The following ITPR1 variants were observed in gnomAD, a reference collection of about 807,000 sequenced individuals.
ITPR1 encodes inositol 1,4,5-trisphosphate-gated calcium channel ITPR1.
Under a neutral mutation model 318.4 loss-of-function variants are expected in ITPR1, and 96 were observed. That is an observed-to-expected ratio of 0.30 (90% CI 0.26 to 0.36). ITPR1 has a LOEUF of 0.36. ITPR1 is among the 10% of genes least tolerant of loss of function. The pLI is 1.00. For synonymous variants in ITPR1, 1,312 were observed against 1,289.9 expected (o/e 1.02, Z -0.37); for missense variants, 2,440 against 3,460.2 (o/e 0.71, Z 7.40).
intron 31 of ITPR1, among the ~76,000 whole-genome samples, chr3:4,690,122 C>A (rs1050030805): frequency 5.9e-5 from 9 of 152,124 alleles, no homozygotes; most frequent in Admixed American, 4.6e-4. Context: ...ATTAAAAATA[C>A]AAATATTAGT....
intron 4 of ITPR1, among the ~76,000 whole-genome samples, chr3:4,618,978 T>C (rs1451408715): frequency 6.6e-6 from 1 of 152,198 alleles, no homozygotes; most frequent in Non-Finnish European, 1.5e-5. Context: ...TCCAGCAGCT[T>C]CCTGATTTTA....
chr3:4,517,309 T>G (rs371226372), intron 3 of ITPR1, among the ~76,000 whole-genome samples: 12 of 152,180 alleles, frequency 7.9e-5, no homozygotes, highest in African/African-American at 2.7e-4. Flanking sequence ...TAGTTACGAA[T>G]GGTCTATATT....
Position 4,599,756 on chromosome 3 carries a change from G to A in ITPR1, c.164-28007G>A, listed in dbSNP as rs1448535249. Reference sequence around the variant, plus strand: ...TGCAGCTGAGTTCTGCAGTGTGTTGGACTTGACTTCCCTGATACCAGCAGG... The same window carrying A: ...TGCAGCTGAGTTCTGCAGTGTGTTGAACTTGACTTCCCTGATACCAGCAGG... On this transcript the variant is annotated intron_variant, in intron 4 of 61. Coordinates refer to ENST00000649015, the MANE Select transcript of ITPR1 (RefSeq NM_001378452.1). 2.0e-5 allele frequency among the ~76,000 whole-genome samples: 3 copies of A among 152,194 alleles called. No individual in the cohort carries two copies. The East Asian group carries it at 5.8e-4, about 29-fold the overall frequency.
intron 5 of ITPR1, among the ~76,000 whole-genome samples, chr3:4,631,783 T>C (rs758876284): frequency 8.5e-5 from 13 of 152,172 alleles, no homozygotes; most frequent in Non-Finnish European, 1.5e-4. Context: ...TCTGTTGATA[T>C]GTAAAATGGA....
intron 61 of ITPR1, among the ~76,000 whole-genome samples, 162 bp from the exon 62 acceptor site, chr3:4,845,977 C>G (rs1359445970): frequency 1.3e-5 from 2 of 152,160 alleles, no homozygotes; most frequent in Non-Finnish European, 2.9e-5. Flanking sequence ...TAAGAAGATG[C>G]CTTTTTTGAA....
At chr3:4,809,195 C>T (rs914584605) in intron 55 of ITPR1, among the ~76,000 whole-genome samples, 2 of 152,158 alleles carry the variant, frequency 1.3e-5, no homozygotes, top group African/African-American at 4.8e-5. Context: ...TTTCTGAAAG[C>T]AGCAGGCAAA....
intron 13 of ITPR1, 143 bp downstream of exon 13, chr3:4,658,421 G>T: frequency 1.6e-6 from 1 of 637,064 alleles, no homozygotes; most frequent in Non-Finnish European, 2.6e-6. Context: ...TGACTGCCCG[G>T]TATGGCAACT....
At chr3:4,835,773 AGGCATATGTG>A (rs781091869) in intron 60 of ITPR1, among the ~76,000 whole-genome samples, 183 of 152,288 alleles carry the variant, frequency 1.2e-3, no homozygotes, top group Non-Finnish European at 1.9e-3. Context: ...TTTGGGAGAA[AGGCATATGTG>A]GGCAGAAGGA....
chr3:4,688,892 A>G (rs1232903292), intron 31 of ITPR1, among the ~76,000 whole-genome samples: 1 of 152,222 alleles, frequency 6.6e-6, no homozygotes, highest in Non-Finnish European at 1.5e-5. Flanking sequence ...CCTTCATTGT[A>G]TCAAACTTCA....
At chr3:4,821,496 T>A in intron 60 of ITPR1, among the ~76,000 whole-genome samples, 1 of 152,146 alleles carries the variant, frequency 6.6e-6, no homozygotes, top group East Asian at 1.9e-4. Flanking sequence ...CCACACTGGG[T>A]CATAGAATTT....
chr3:4,597,498 C>T (rs1014743104), intron 4 of ITPR1, among the ~76,000 whole-genome samples: 5 of 152,140 alleles, frequency 3.3e-5, no homozygotes. Flanking sequence ...TAGAAGTATC[C>T]TAAGAGAGGG....
At chr3:4,517,506 A>G (rs2082255135) in intron 3 of ITPR1, among the ~76,000 whole-genome samples, 1 of 152,230 alleles carries the variant, frequency 6.6e-6, no homozygotes. Context: ...GTATTTGTGC[A>G]GAATGAGTAT....
rs1559943202 is a variant in ITPR1 at position 4,814,407 on chromosome 3, C to T, written c.7562-16C>T. 1.2e-6 allele frequency: 2 copies of T among 1,613,846 alleles called. No homozygotes were observed. The highest frequency in any genetic ancestry group is 1.7e-6 in the Non-Finnish European group (2 of 1,179,788). On this transcript the variant is annotated splice_polypyrimidine_tract_variant and intron_variant, in intron 57 of 61. Transcript: ENST00000649015. ...TCCTCACGTTTTCTCTCTGTTGTTA[C>T]TTGCCGTGTTCACAGAGCTGGTCCC... is the stretch of plus-strand genomic sequence containing the variant.
chr3:4,633,300 A>G (rs144971870), intron 5 of ITPR1, among the ~76,000 whole-genome samples: 1 of 152,174 alleles, frequency 6.6e-6, no homozygotes, highest in Non-Finnish European at 1.5e-5. Flanking sequence ...CTTAGCTGGA[A>G]CTTTTCCCCC....
At chr3:4,612,722 A>C (rs1404068320) in intron 4 of ITPR1, among the ~76,000 whole-genome samples, 1 of 152,068 alleles carries the variant, frequency 6.6e-6, no homozygotes, top group Non-Finnish European at 1.5e-5. Context: ...CCCCGTCTCT[A>C]CTAAAAATAC....
intron 4 of ITPR1, among the ~76,000 whole-genome samples, chr3:4,536,826 A>G (rs548360477): frequency 4.6e-5 from 7 of 152,222 alleles, no homozygotes; most frequent in Non-Finnish European, 1.0e-4. Context: ...ATGAATATGG[A>G]TAATTGAGTT....
Position 4,665,135 on chromosome 3 carries a change from C to T in ITPR1, c.1555-3C>T. On this transcript the variant is annotated splice_polypyrimidine_tract_variant and splice_region_variant and intron_variant, in intron 16 of 61. Transcript: ENST00000649015. ...CATTTTTGCTTTTCATTTTCACAAA[C>T]AGATCTTCAAGTTGTTACAAGCCCC... The T allele has an allele frequency of 2.5e-6, 4 of 1,613,998 alleles. No homozygotes were observed. Among genetic ancestry groups the T allele is most frequent in the Middle Eastern group, 3.3e-4 (2 of 6,060 alleles).
rs192270994 is a variant in ITPR1 at position 4,821,944 on chromosome 3, T to C, written c.8028+3702T>C. Among the ~76,000 whole-genome samples the C allele has an allele frequency of 3.9e-5, 6 of 152,326 alleles. No homozygotes were observed. The East Asian group carries it at 9.6e-4, about 24-fold the overall frequency. ...TCTCCCCTTTTGGTCTTCCCCTTTC[T>C]CCTTTCACTGGAGATGGGAGTATCC... On this transcript the variant is annotated intron_variant, in intron 60 of 61. Transcript: ENST00000649015.
chr3:4,591,119 A>G (rs149574109), intron 4 of ITPR1, among the ~76,000 whole-genome samples: 1,898 of 152,114 alleles, frequency 0.012, 44 homozygotes, highest in African/African-American at 0.043. Context: ...TCTTTATCCA[A>G]TCTGTCATTG....
Sources: gnomAD v4.1 joint callset for allele counts (sites outside exome capture counted in the v4.1 genomes callset) on GRCh38, gnomAD v4.1.1 for gene constraint, MANE v1.5 for transcripts, NCBI Gene and HGNC (gene_info 2026-07-23, HGNC 2026-07-21) for gene names.